FERRY3: variants seen among roughly 807,000 people sequenced by gnomAD.
The protein encoded by FERRY3 is FERRY endosomal RAB5 effector complex subunit 3.
At chr12:4,504,521 A>G in the FERRY3 span, among the ~76,000 whole-genome samples, 150,717 of 152,210 alleles carry the variant, frequency 0.99, 74,637 homozygotes, top group Middle Eastern at 1. Context: ...AAAACGTAAG[A>G]GGAAATGAAA....
chr12:4,526,019 G>C, the FERRY3 span, among the ~76,000 whole-genome samples: 1 of 152,176 alleles, frequency 6.6e-6, no homozygotes, highest in Non-Finnish European at 1.5e-5. Context: ...ATTATATCCA[G>C]AAGCAGACAA....
the FERRY3 span, among the ~76,000 whole-genome samples, chr12:4,498,492 T>C: frequency 8.5e-5 from 13 of 152,180 alleles, no homozygotes; most frequent in Non-Finnish European, 1.5e-4. Flanking sequence ...CAGAAGTGAA[T>C]GGAATGAGAA....
At chr12:4,525,362 T>TATTTAATTCATTCGACCTA in the FERRY3 span, 15 of 1,613,444 alleles carry the variant, frequency 9.3e-6, no homozygotes, top group Non-Finnish European at 1.3e-5. Flanking sequence ...ATTCGACCAT[T>TATTTAATTCATTCGACCTA]TATTTTCTAG....
chr12:4,528,452 T>C, the FERRY3 span, among the ~76,000 whole-genome samples: 6 of 152,254 alleles, frequency 3.9e-5, no homozygotes, highest in Admixed American at 2.0e-4. Context: ...GTTTCAACTA[T>C]ATACCTAGTG....
chr12:4,534,204 C>T, the FERRY3 span: 7 of 1,612,428 alleles, frequency 4.3e-6, no homozygotes, highest in African/African-American at 1.3e-5. Flanking sequence ...TGTAAATCTA[C>T]TTCACCTGAT....
At chr12:4,538,373 G>C in the FERRY3 span, 1 of 154,990 alleles carries the variant, frequency 6.5e-6, no homozygotes, top group Non-Finnish European at 1.4e-5. Context: ...ACGGTTGTCA[G>C]TCTGAAAGGG....
At chr12:4,535,763 C>T in the FERRY3 span, among the ~76,000 whole-genome samples, 1 of 152,158 alleles carries the variant, frequency 6.6e-6, no homozygotes, top group Non-Finnish European at 1.5e-5. The surrounding 1 kb of genome is among the most constrained non-coding windows in gnomAD (Gnocchi z 4.0). Context: ...AGAAGAGCTC[C>T]TCTAATTCCA....
chr12:4,499,595 T>A, the FERRY3 span, among the ~76,000 whole-genome samples: 1 of 152,244 alleles, frequency 6.6e-6, no homozygotes, highest in Non-Finnish European at 1.5e-5. Flanking sequence ...ATGATCATGC[T>A]ACATCCTAAT....
the FERRY3 span, chr12:4,529,725 A>T: frequency 3.0e-6 from 2 of 674,140 alleles, no homozygotes; most frequent in South Asian, 2.2e-5. Flanking sequence ...TTACACATTT[A>T]AACATACAAG....
At chr12:4,515,662 T>TG in the FERRY3 span, among the ~76,000 whole-genome samples, 1 of 151,514 alleles carries the variant, frequency 6.6e-6, no homozygotes, top group Non-Finnish European at 1.5e-5. Context: ...CGGGGGGAAA[T>TG]GGGGAGATTT....
the FERRY3 span, among the ~76,000 whole-genome samples, chr12:4,505,145 C>T: frequency 9.2e-5 from 14 of 152,074 alleles, no homozygotes; most frequent in South Asian, 2.1e-4. Flanking sequence ...CACTGGAAAA[C>T]GTCTGTGAAA....
the FERRY3 span, chr12:4,536,010 T>A: frequency 3.9e-6 from 6 of 1,520,650 alleles, no homozygotes; most frequent in African/African-American, 4.3e-5. Context: ...AAAAAAACAG[T>A]CCTCACCTTT....
At chr12:4,506,903 G>C in the FERRY3 span, among the ~76,000 whole-genome samples, 8 of 152,146 alleles carry the variant, frequency 5.3e-5, no homozygotes, top group African/African-American at 1.4e-4. Context: ...CACAGAAAAA[G>C]ATGGAGAAGG....
the FERRY3 span, chr12:4,517,028 A>T: frequency 6.8e-7 from 1 of 1,476,460 alleles, no homozygotes; most frequent in Non-Finnish European, 9.1e-7. Flanking sequence ...CAGTGATTAT[A>T]GACAGAATAT....
chr12:4,523,807 C>T, the FERRY3 span, among the ~76,000 whole-genome samples: 1 of 151,800 alleles, frequency 6.6e-6, no homozygotes, highest in Non-Finnish European at 1.5e-5. Context: ...CAGGACCCGT[C>T]GTGGGGTTGG....
At chr12:4,519,167 A>C in the FERRY3 span, among the ~76,000 whole-genome samples, 9 of 152,230 alleles carry the variant, frequency 5.9e-5, no homozygotes, top group Non-Finnish European at 1.0e-4. This position sits in a 1 kb window ranked among gnomAD's most constrained non-coding sequence, Gnocchi z 4.3. Context: ...TAAGAGAATG[A>C]TTAAATGAAG....
chr12:4,516,326 A>C, the FERRY3 span, among the ~76,000 whole-genome samples: 1 of 152,226 alleles, frequency 6.6e-6, no homozygotes. Flanking sequence ...CTCTTAAAAA[A>C]GAAAATTAGG....
At chr12:4,491,004 G>T in the FERRY3 span, among the ~76,000 whole-genome samples, 1 of 152,076 alleles carries the variant, frequency 6.6e-6, no homozygotes, top group African/African-American at 2.4e-5. Flanking sequence ...CTTATTTTGT[G>T]ACTAGAAAAA....
the FERRY3 span, among the ~76,000 whole-genome samples, chr12:4,532,425 T>C: frequency 6.6e-6 from 1 of 152,186 alleles, no homozygotes; most frequent in Non-Finnish European, 1.5e-5. Context: ...CGCAACATAT[T>C]TTCCTACTTT....
Sources: gnomAD v4.1 joint callset for allele counts (sites outside exome capture counted in the v4.1 genomes callset) on GRCh38, gnomAD v4.1.1 for gene constraint, Gnocchi (gnomAD v3.1) non-coding constraint, MANE v1.5 for transcripts, NCBI Gene and HGNC (gene_info 2026-07-23, HGNC 2026-07-21) for gene names.